The following FOCAD variants were observed in gnomAD, a reference collection of about 807,000 sequenced individuals.
FOCAD encodes KIAA1797.
A neutral mutation model predicts 225.6 loss-of-function variants in FOCAD; 198 were observed. The observed-to-expected ratio is 0.88, with a 90% CI of 0.78 to 0.99. FOCAD has a LOEUF of 0.99. FOCAD is among the 50% of genes least tolerant of loss of function. FOCAD has a pLI of 0.00. For missense variants in FOCAD, 2,713 were observed against 2,123.6 expected, an observed-to-expected ratio of 1.28 and a Z score of -5.46; for synonymous variants, 897 against 755.0, an observed-to-expected ratio of 1.19 and a Z score of -3.08.
In FOCAD at chr9:20,978,407, G is replaced by T; in HGVS notation, c.4330G>T (p.Ala1444Ser). Reference protein sequence around the residue: ...TQAQSSQNAAALLGLWVTPPL... With the variant: ...TQAQSSQNAASLLGLWVTPPL... The stretch of plus-strand genomic sequence containing the variant: ...GGCACAGTCATCCCAGAATGCAGCT[G>T]CACTATTGGGCTTGTGGGTGACACC... The change falls in exon 37 of 44, where the codon GCA (alanine) becomes TCA (serine). Residue 1444 changes from alanine (A) to serine (S), a missense_variant. By Grantham distance (99) the Ala-to-Ser change is moderately conservative. Coordinates refer to ENST00000338382, the MANE Select transcript of FOCAD (RefSeq NM_001375567.1). 6.2e-7 allele frequency: 1 copy of T among 1,612,024 alleles called. No individual in the cohort carries two copies. The highest frequency in any genetic ancestry group is 1.1e-5 in the South Asian group (1 of 90,680).
intron 24 of FOCAD, among the ~76,000 whole-genome samples, chr9:20,920,067 A>G (rs962727007): frequency 3.9e-5 from 6 of 152,202 alleles, no homozygotes; most frequent in Admixed American, 3.9e-4. Flanking sequence ...TACTCATCTG[A>G]CAAAGGGCTA....
Position 20,993,260 on chromosome 9 carries a change from A to ACTGG in FOCAD, c.5267_5270dup (p.Phe1758AlafsTer9). On this transcript the variant is annotated frameshift_variant, in exon 43 of 44. Transcript: ENST00000338382. LOFTEE classifies it high-confidence loss of function. ...TTTTCATTTTTACCCTAGTTCATTGACTGGCTATTCAGCATCATGGAAAGC... is the reference window on the plus strand; with the variant it reads ...TTTTCATTTTTACCCTAGTTCATTGACTGGCTGGCTATTCAGCATCATGGAAAGC... 1 of 1,613,596 alleles carries ACTGG rather than the reference A, an allele frequency of 6.2e-7. No individual in the cohort carries two copies. The highest frequency in any genetic ancestry group is 8.5e-7 in the Non-Finnish European group (1 of 1,179,578).
intron 35 of FOCAD, among the ~76,000 whole-genome samples, chr9:20,976,062 AT>A (rs1199550324): frequency 6.6e-6 from 1 of 152,152 alleles, no homozygotes; most frequent in East Asian, 1.9e-4. Context: ...AGATAAAAAG[AT>A]TTTGAATGTT....
rs1824132847 is a variant in FOCAD, at chr9:20,819,912, A to G, written c.1560+12A>G. ...TTGGTGTTCACAAGGTTAGTATGTT[A>G]ATTAATTTAGTTGGCGAAAAAAGTG... On this transcript the variant is annotated intron_variant, in intron 12 of 43. Transcript: ENST00000338382. 1.4e-6 allele frequency: 2 copies of G among 1,456,354 alleles called. No homozygotes were observed. The highest frequency in any genetic ancestry group is 1.9e-6 in the Non-Finnish European group (2 of 1,075,120). The allele number at this position is 1,456,354 out of a possible 1,614,324, so 90.2% of individuals were successfully genotyped here.
chr9:20,957,988 G>A (rs527466889), intron 35 of FOCAD, among the ~76,000 whole-genome samples: 2 of 152,110 alleles, frequency 1.3e-5, no homozygotes, highest in South Asian at 4.1e-4. Context: ...GTATGAATTT[G>A]CAAAAATATA....
chr9:20,831,768 T>C (rs976745191), intron 15 of FOCAD, among the ~76,000 whole-genome samples: 2 of 152,074 alleles, frequency 1.3e-5, no homozygotes, highest in African/African-American at 4.8e-5. Flanking sequence ...ACTTTTTGAA[T>C]AGAGTTTTGA....
At chr9:20,972,570 A>G (rs573261102) in intron 35 of FOCAD, among the ~76,000 whole-genome samples, 22 of 150,122 alleles carry the variant, frequency 1.5e-4, no homozygotes, top group African/African-American at 5.2e-4. Context: ...TTCAGTTTCT[A>G]GTTGTTCTGC....
In FOCAD at chr9:20,764,849, A is replaced by G. The variant is rs780678183; in HGVS notation, c.495-20A>G. On this transcript the variant is annotated intron_variant, in intron 6 of 43. Coordinates refer to ENST00000338382, the MANE Select transcript of FOCAD (RefSeq NM_001375567.1). ...GTGTGTTTAACTCAATAACTGGCTA[A>G]TGTATTTCATGTCTTATAGGTTAGA... 8.8e-6 allele frequency: 14 copies of G among 1,596,740 alleles called. No homozygotes were observed. The highest frequency in any genetic ancestry group is 2.2e-5 in the East Asian group (1 of 44,792).
chr9:20,682,574 A>G (rs1822431534), upstream of FOCAD, among the ~76,000 whole-genome samples: 1 of 152,244 alleles, frequency 6.6e-6, no homozygotes, highest in South Asian at 2.1e-4. Flanking sequence ...GTGTTTAATT[A>G]TAATTTTGAC....
chr9:20,774,333 ATG>A (rs1335772868), intron 8 of FOCAD, among the ~76,000 whole-genome samples: 1 of 152,154 alleles, frequency 6.6e-6, no homozygotes, highest in Non-Finnish European at 1.5e-5. Flanking sequence ...AAGAGGCACA[ATG>A]TGTGTTGCTT....
chr9:20,670,253 C>G (rs1481929709), intron 2 of FOCAD, among the ~76,000 whole-genome samples: 1 of 152,152 alleles, frequency 6.6e-6, no homozygotes, highest in Non-Finnish European at 1.5e-5. Flanking sequence ...TATGAATAAT[C>G]TCATTTAATC....
chr9:20,834,505 A>G (rs1440129755), intron 15 of FOCAD, among the ~76,000 whole-genome samples: 1 of 152,114 alleles, frequency 6.6e-6, no homozygotes, highest in Non-Finnish European at 1.5e-5. Context: ...TCAATGGGTA[A>G]ACAAATCGTT....
chr9:20,751,158 T>C (rs1016274212), intron 5 of FOCAD, among the ~76,000 whole-genome samples: 1 of 151,918 alleles, frequency 6.6e-6, no homozygotes, highest in Non-Finnish European at 1.5e-5. Flanking sequence ...ACTTCCATTT[T>C]TTTTTTTAAT....
intron 11 of FOCAD, among the ~76,000 whole-genome samples, chr9:20,812,434 T>G (rs947974480): frequency 1.3e-5 from 2 of 152,076 alleles, no homozygotes; most frequent in Admixed American, 6.6e-5. Flanking sequence ...AAGATTTTCG[T>G]TATAGAACTG....
intron 2 of FOCAD, among the ~76,000 whole-genome samples, chr9:20,676,741 A>C (rs1316759171): frequency 6.6e-6 from 1 of 152,210 alleles, no homozygotes; most frequent in Non-Finnish European, 1.5e-5. Flanking sequence ...CCATTTATTA[A>C]AGAAGACACA....
chr9:20,662,719 G>C (rs961821079), intron 2 of FOCAD, among the ~76,000 whole-genome samples: 4 of 152,102 alleles, frequency 2.6e-5, no homozygotes, highest in African/African-American at 9.7e-5. Context: ...CAAAGTGCTA[G>C]GATTACAGGC....
At chr9:20,659,106 G>T (rs970094936) in intron 2 of FOCAD, among the ~76,000 whole-genome samples, 1 of 152,166 alleles carries the variant, frequency 6.6e-6, no homozygotes, top group Non-Finnish European at 1.5e-5. Flanking sequence ...TGTAGTCCCA[G>T]CTACTTGGCA....
Position 20,988,395 on chromosome 9 carries a change from A to G in FOCAD, c.4970A>G (p.Gln1657Arg). 6.2e-7 allele frequency: 1 copy of G among 1,611,214 alleles called. No individual in the cohort carries two copies. Among genetic ancestry groups the G allele is most frequent in the Non-Finnish European group, 8.5e-7 (1 of 1,178,046 alleles). The part of the protein sequence containing the change: ...LMGYIRNVAY[Q>R]STSFHNTALD... Reference sequence around the variant, plus strand: ...GGTTATATTAGAAATGTTGCTTACCAGTCAACATCCTTTCACAATACGGCT... The same window carrying G: ...GGTTATATTAGAAATGTTGCTTACCGGTCAACATCCTTTCACAATACGGCT... Residue 1657 changes from glutamine to arginine, a missense_variant, in exon 41 of 44, where the codon CAG becomes CGG. Gln to Arg is a conservative substitution (Grantham distance 43). Coordinates refer to ENST00000338382, the MANE Select transcript of FOCAD (RefSeq NM_001375567.1).
intron 15 of FOCAD, among the ~76,000 whole-genome samples, chr9:20,829,084 T>G (rs1428691936): frequency 6.6e-6 from 1 of 152,182 alleles, no homozygotes; most frequent in Admixed American, 6.5e-5. Context: ...TTGTGAATAG[T>G]GCTGCCATGA....
Sources: gnomAD v4.1 joint callset for allele counts (sites outside exome capture counted in the v4.1 genomes callset) on GRCh38, gnomAD v4.1.1 for gene constraint, MANE v1.5 for transcripts, NCBI Gene and HGNC (gene_info 2026-07-23, HGNC 2026-07-21) for gene names.